The following CRACD variants were observed in gnomAD, a reference collection of about 807,000 sequenced individuals.
The protein encoded by CRACD is capping protein inhibiting regulator of actin dynamics.
CRACD carries 56 observed loss-of-function variants against 106.8 expected under a neutral mutation model. That is an observed-to-expected ratio of 0.52 (90% CI 0.42 to 0.66). CRACD has a LOEUF of 0.66. Among genes scored for constraint, CRACD ranks in the 30% least tolerant of loss-of-function variants. The pLI is 0.00. For missense variants in CRACD, 1,730 were observed against 1,623.2 expected (o/e 1.07, Z -1.13); for synonymous variants, 754 against 670.8 (o/e 1.12, Z -1.92).
chr4:56,172,020 C>CTTTTTTTTTTTTTTTTTTT (rs35574683), intron 1 of CRACD, among the ~76,000 whole-genome samples: 5 of 106,368 alleles, frequency 4.7e-5, no homozygotes, highest in Non-Finnish European at 7.5e-5. Context: ...GAGGGTTTCT[C>CTTTTTTTTTTTTTTTTTTT]TTTTTTTTTT....
chr4:56,188,554 G>A (rs758801017), intron 2 of CRACD, among the ~76,000 whole-genome samples: 9 of 151,098 alleles, frequency 6.0e-5, no homozygotes, highest in South Asian at 2.1e-4. Context: ...GATACCTCCC[G>A]TTCCTGGAAA....
intron 5 of CRACD, among the ~76,000 whole-genome samples, chr4:56,309,730 TGTA>T (rs1745001382): frequency 6.6e-6 from 1 of 152,136 alleles, no homozygotes; most frequent in Non-Finnish European, 1.5e-5. Context: ...GGCGCATGCC[TGTA>T]ATCCCAGCTA....
intron 1 of CRACD, among the ~76,000 whole-genome samples, chr4:56,068,162 G>A (rs1732523176): frequency 1.3e-5 from 2 of 152,154 alleles, no homozygotes; most frequent in Admixed American, 1.3e-4. Flanking sequence ...GGATAGGATG[G>A]TCAGGAACAG....
rs1264531474 is a variant in CRACD at position 56,272,504 on chromosome 4, C to A, written c.-17+12C>A. Reference sequence around the variant, plus strand: ...GAAGACAATCTAAGGTAATAACTTGCACTTTCCTTTCAGATCTTTGGTGGA... The same window carrying A: ...GAAGACAATCTAAGGTAATAACTTGAACTTTCCTTTCAGATCTTTGGTGGA... On this transcript the variant is annotated intron_variant, in intron 3 of 10. Transcript: ENST00000682029. 6.6e-6 allele frequency: 1 copy of A among 152,600 alleles called. No individual in the cohort carries two copies. The highest frequency in any genetic ancestry group is 1.5e-5 in the Non-Finnish European group (1 of 68,052). 9.5% of individuals were successfully genotyped at this position (152,600 alleles called of 1,614,324 possible). A position where few individuals can be genotyped will look rare whatever the true frequency, so the allele number is the denominator to read the frequency against.
chr4:56,299,808 C>G (rs960142271), intron 4 of CRACD, among the ~76,000 whole-genome samples: 8 of 149,214 alleles, frequency 5.4e-5, no homozygotes, highest in African/African-American at 2.0e-4. Flanking sequence ...GTCTGTAAGT[C>G]TACAACAATG....
At chr4:56,123,351 G>A (rs919455120) in intron 1 of CRACD, among the ~76,000 whole-genome samples, 1 of 152,188 alleles carries the variant, frequency 6.6e-6, no homozygotes, top group Non-Finnish European at 1.5e-5. Flanking sequence ...TATTTAGTTT[G>A]TAGTGAGTAA....
At chr4:56,301,580 T>C (rs1354579755) in intron 4 of CRACD, among the ~76,000 whole-genome samples, 1 of 152,314 alleles carries the variant, frequency 6.6e-6, no homozygotes, top group South Asian at 2.1e-4. Context: ...CTTTTTTCTC[T>C]GTGGCTTAAG....
At chr4:56,110,843 T>C (rs2109842170) in intron 1 of CRACD, among the ~76,000 whole-genome samples, 1 of 152,296 alleles carries the variant, frequency 6.6e-6, no homozygotes, top group East Asian at 1.9e-4. Flanking sequence ...GTGATCCACC[T>C]GCCTTGGCCT....
intron 1 of CRACD, among the ~76,000 whole-genome samples, chr4:56,159,858 C>T (rs1032620317): frequency 2.0e-5 from 3 of 151,738 alleles, no homozygotes; most frequent in Admixed American, 6.6e-5. Context: ...CTAGGCTCAC[C>T]GAAACCTCCA....
chr4:56,152,275 C>A (rs1735609427), intron 1 of CRACD, among the ~76,000 whole-genome samples: 1 of 151,834 alleles, frequency 6.6e-6, no homozygotes, highest in African/African-American at 2.4e-5. Context: ...GCTCGGCCTC[C>A]CAAAGTGCTG....
intron 2 of CRACD, among the ~76,000 whole-genome samples, chr4:56,226,862 CTCTCTCTCTCTCTG>C (rs1018639166): frequency 1.2e-4 from 17 of 145,218 alleles, no homozygotes; most frequent in African/African-American, 4.0e-4. Flanking sequence ...GTCTCTTTCT[CTCTCTCTCTCTCTG>C]TCTCTCTCTC....
At chr4:56,255,127 A>AC (rs1466821798) in intron 2 of CRACD, among the ~76,000 whole-genome samples, 1 of 149,362 alleles carries the variant, frequency 6.7e-6, no homozygotes, top group Non-Finnish European at 1.5e-5. Flanking sequence ...AAAAAAAAAA[A>AC]AAAAAAACTA....
intron 3 of CRACD, among the ~76,000 whole-genome samples, chr4:56,286,632 A>C (rs1273238738): frequency 6.6e-6 from 1 of 151,758 alleles, no homozygotes; most frequent in African/African-American, 2.4e-5. Context: ...ATTGCAATAG[A>C]GTGGAGGTAA....
chr4:56,148,438 G>A (rs1735471039), intron 1 of CRACD, among the ~76,000 whole-genome samples: 1 of 152,146 alleles, frequency 6.6e-6, no homozygotes, highest in Non-Finnish European at 1.5e-5. Context: ...CTACAGGTGT[G>A]TATCGCCATG....
At chr4:56,313,013 T>G (rs1383848350) in intron 6 of CRACD, among the ~76,000 whole-genome samples, 184 bp from the exon 7 acceptor site, 2 of 152,302 alleles carry the variant, frequency 1.3e-5, no homozygotes, top group African/African-American at 4.8e-5. Context: ...GCAGAACAAA[T>G]AGTCAATGTC....
chr4:56,202,002 A>C (rs530437127), intron 2 of CRACD, among the ~76,000 whole-genome samples: 46 of 152,358 alleles, frequency 3.0e-4, no homozygotes, highest in Non-Finnish European at 6.2e-4. Flanking sequence ...ATAAATCAAG[A>C]TACAGATGGC....
chr4:56,071,393 A>G lies in CRACD; in HGVS notation c.-336+22094A>G, dbSNP rs144392844. Among the ~76,000 whole-genome samples, 371 of 152,254 alleles carry G rather than the reference A, an allele frequency of 2.4e-3. 3 individuals are homozygous for G. Among genetic ancestry groups the G allele is most frequent in the African/African-American group, 8.3e-3 (344 of 41,542 alleles). ...TTCTTCTTGTTTTTGTCTTGGAGCT[A>G]TCTGTCTAAAATTGTATCTACCTTG... is the stretch of plus-strand genomic sequence containing the variant. On this transcript the variant is annotated intron_variant, in intron 1 of 10. Coordinates refer to ENST00000682029, the MANE Select transcript of CRACD (RefSeq NM_001393381.1).
chr4:56,182,156 G>A (rs915798305), intron 2 of CRACD, among the ~76,000 whole-genome samples: 4 of 152,072 alleles, frequency 2.6e-5, no homozygotes, highest in African/African-American at 7.2e-5. Context: ...TGAGGCAGGC[G>A]AATCACTTGA....
rs1175847995 is a variant in CRACD at position 56,329,116 on chromosome 4, G to T, written c.*1312G>T. 6.6e-6 allele frequency among the ~76,000 whole-genome samples: 1 copy of T among 152,212 alleles called. No individual in the cohort carries two copies. The highest frequency in any genetic ancestry group is 1.5e-5 in the Non-Finnish European group (1 of 68,046). On this transcript the variant is annotated 3_prime_UTR_variant, in exon 11 of 11. Coordinates refer to ENST00000682029, the MANE Select transcript of CRACD (RefSeq NM_001393381.1). ...ATCATCATACACATGTGCATACAAAGAAGGGACTTGGCAGTTTAAAAGCCA... is the reference window on the plus strand; with the variant it reads ...ATCATCATACACATGTGCATACAAATAAGGGACTTGGCAGTTTAAAAGCCA...
Sources: allele counts gnomAD v4.1 joint callset (sites outside exome capture counted in the v4.1 genomes callset), GRCh38; gene constraint gnomAD v4.1.1; transcripts MANE v1.5; gene names NCBI Gene and HGNC (gene_info 2026-07-23, HGNC 2026-07-21).